Variants in ATP11A observed in about 807,000 individuals in gnomAD.
The protein encoded by ATP11A is phospholipid-transporting ATPase IH.
Under a neutral mutation model 154.4 loss-of-function variants are expected in ATP11A, and 81 were observed. The observed-to-expected ratio is 0.52, with a 90% CI of 0.44 to 0.63. The LOEUF is 0.63. ATP11A is among the 30% of genes least tolerant of loss of function. The pLI is 0.00. For synonymous variants in ATP11A, 623 were observed against 585.9 expected, an observed-to-expected ratio of 1.06 and a Z score of -0.91; for missense variants, 1,316 against 1,474.3, an observed-to-expected ratio of 0.89 and a Z score of 1.76.
intron 13 of ATP11A, among the ~76,000 whole-genome samples, chr13:112,831,945 AC>A (rs1243546182): frequency 7.8e-6 from 1 of 128,022 alleles, no homozygotes; most frequent in Non-Finnish European, 1.6e-5. Context: ...ACACATGCAC[AC>A]ATGCAGACAC....
At chr13:112,737,356 C>T (rs951964276) in intron 1 of ATP11A, among the ~76,000 whole-genome samples, 3 of 152,186 alleles carry the variant, frequency 2.0e-5, no homozygotes, top group African/African-American at 2.4e-5. Flanking sequence ...ACACCCAGGG[C>T]AGGTTAGGCA....
chr13:112,720,557 GT>G (rs935210263), intron 1 of ATP11A, among the ~76,000 whole-genome samples: 2 of 149,396 alleles, frequency 1.3e-5, no homozygotes, highest in African/African-American at 2.5e-5. Flanking sequence ...GAGTCTGTTT[GT>G]TTTTTTTTTA....
intron 1 of ATP11A, among the ~76,000 whole-genome samples, chr13:112,766,647 T>C (rs2077084217): frequency 6.6e-6 from 1 of 152,060 alleles, no homozygotes; most frequent in Non-Finnish European, 1.5e-5. Context: ...GTTTCCCTCA[T>C]TGGCTTCTGC....
intron 1 of ATP11A, among the ~76,000 whole-genome samples, chr13:112,704,575 G>A (rs1401281670): frequency 1.3e-5 from 2 of 152,242 alleles, no homozygotes; most frequent in Non-Finnish European, 2.9e-5. Context: ...GAGATGGGCT[G>A]GGGGTGTCCC....
intron 2 of ATP11A, among the ~76,000 whole-genome samples, chr13:112,794,941 C>T (rs1294003770): frequency 6.6e-6 from 1 of 152,008 alleles, no homozygotes; most frequent in East Asian, 1.9e-4. Flanking sequence ...TGTACAGTAA[C>T]ATTCAAATAT....
rs1443797813 is a variant in ATP11A, at chr13:112,758,604, T to G, written c.40-26531T>G. The stretch of plus-strand genomic sequence containing the variant: ...ATGCCCGGCTAATTTTTTGTATTTT[T>G]AGTAGAGATGGGGTTTCACCGTGTT... On this transcript the variant is annotated intron_variant, in intron 1 of 29. Transcript: ENST00000375645. 2.6e-5 allele frequency among the ~76,000 whole-genome samples: 4 copies of G among 151,710 alleles called. No homozygotes were observed. In the South Asian group the frequency reaches 8.3e-4, roughly 31 times the overall value.
At chr13:112,837,057 C>G (rs1467961365) in intron 16 of ATP11A, among the ~76,000 whole-genome samples, 1 of 152,258 alleles carries the variant, frequency 6.6e-6, no homozygotes, top group African/African-American at 2.4e-5. Context: ...GCCCCTCAGG[C>G]TCCCGCCCAC....
rs144986446 is a variant in ATP11A, at chr13:112,713,436, G to T, written c.39+22981G>T. Among the ~76,000 whole-genome samples, 35 of 152,260 alleles carry T rather than the reference G, an allele frequency of 2.3e-4. No homozygotes were observed. The East Asian group carries it at 5.2e-3, about 23-fold the overall frequency. On this transcript the variant is annotated intron_variant, in intron 1 of 29. Coordinates refer to ENST00000375645, the MANE Select transcript of ATP11A (RefSeq NM_015205.3). Reference sequence around the variant, plus strand: ...AAACATGGAGTTCACAAAGTGGCATGAATAATCATGAAACGAAGTGACTTC... The same window carrying T: ...AAACATGGAGTTCACAAAGTGGCATTAATAATCATGAAACGAAGTGACTTC...
intron 25 of ATP11A, among the ~76,000 whole-genome samples, chr13:112,865,285 G>A (rs1161715077): frequency 2.0e-5 from 3 of 150,842 alleles, no homozygotes; most frequent in Non-Finnish European, 4.4e-5. Context: ...TTCCCAGCGG[G>A]GTCCATCACC....
chr13:112,854,197 G>A (rs2079855331), intron 18 of ATP11A, 82 bp from the exon 19 acceptor site: 1 of 1,531,446 alleles, frequency 6.5e-7, no homozygotes, highest in African/African-American at 1.5e-5. Context: ...TGACAGCTTT[G>A]CAAGTTTCTG....
Position 112,881,962 on chromosome 13 carries a change from G to A in ATP11A, c.*96G>A, listed in dbSNP as rs565184151. On this transcript the variant is annotated 3_prime_UTR_variant, in exon 30 of 30. Transcript: ENST00000375645. The stretch of plus-strand genomic sequence containing the variant: ...TGACACTCGCGGCCTGGAAGGAGAA[G>A]GTGTCCACGGAGCCCCCACCCATCC... 179 of 1,367,796 alleles carry A rather than the reference G, an allele frequency of 1.3e-4. No individual in the cohort carries two copies. The highest frequency in any genetic ancestry group is 9.8e-7 in the Non-Finnish European group (1 of 1,021,982). The allele number at this position is 1,367,796 out of a possible 1,614,324, so 84.7% of individuals were successfully genotyped here.
intron 1 of ATP11A, among the ~76,000 whole-genome samples, chr13:112,736,412 C>T (rs1229110563): frequency 6.6e-6 from 1 of 152,146 alleles, no homozygotes; most frequent in Non-Finnish European, 1.5e-5. Context: ...ACTGTGTTTT[C>T]TGGGGTGGCC....
At chr13:112,852,615 C>T (rs946961417) in intron 18 of ATP11A, among the ~76,000 whole-genome samples, 9 of 152,086 alleles carry the variant, frequency 5.9e-5, no homozygotes, top group Admixed American at 4.6e-4. Context: ...GAGGGGTGTC[C>T]GTAGGATGGT....
At chr13:112,873,817 CGTGGGGTCCTGGGATA>C in intron 27 of ATP11A, 141 bp downstream of exon 27, 1 of 743,180 alleles carries the variant, frequency 1.3e-6, no homozygotes, top group Non-Finnish European at 2.2e-6. Flanking sequence ...TGCTGGGTGT[CGTGGGGTCCTGGGATA>C]CAGTCGGGGG....
At position 112,887,167 on chromosome 13, in the gene ATP11A, A is replaced by G. The variant is rs1055385742; in HGVS notation, c.*5301A>G. 2.6e-5 allele frequency: 4 copies of G among 152,260 alleles called. No homozygotes were observed. Among genetic ancestry groups the G allele is most frequent in the Admixed American group, 2.6e-4 (4 of 15,292 alleles). The allele number at this position is 152,260 out of a possible 1,614,324, so 9.4% of individuals were successfully genotyped here. On this transcript the variant is annotated 3_prime_UTR_variant, in exon 30 of 30. Coordinates refer to ENST00000375645, the MANE Select transcript of ATP11A (RefSeq NM_015205.3). ...AGTTTCTTTATAAAGAAACTCACAC[A>G]AGTGGTGTGTACATTTTCTGCTCTG...
chr13:112,716,215 G>T (rs999928147), intron 1 of ATP11A, among the ~76,000 whole-genome samples: 45 of 152,206 alleles, frequency 3.0e-4, no homozygotes, highest in African/African-American at 9.9e-4. Context: ...CCACCGTGGT[G>T]GGGCCAAGTC....
chr13:112,785,576 T>C lies in ATP11A; in HGVS notation c.162+319T>C, dbSNP rs2140031042. 6.6e-6 allele frequency among the ~76,000 whole-genome samples: 1 copy of C among 152,134 alleles called. No individual in the cohort carries two copies. Among genetic ancestry groups the C allele is most frequent in the East Asian group, 1.9e-4 (1 of 5,142 alleles). On this transcript the variant is annotated intron_variant, in intron 2 of 29. Transcript: ENST00000375645. The surrounding 1 kb of genome is among the most constrained non-coding windows in gnomAD (Gnocchi z 4.8). ...ACCCAGGTCCCACTTCTGAGGCGCC[T>C]GGCCACGTGCTTGTCGTGGGCCACC...
At chr13:112,869,194 T>C (rs767328314) in intron 25 of ATP11A, among the ~76,000 whole-genome samples, 16 of 152,208 alleles carry the variant, frequency 1.1e-4, no homozygotes, top group Non-Finnish European at 1.8e-4. Flanking sequence ...AGCTCCACAG[T>C]GGACTAGCTT....
At chr13:112,784,116 G>C (rs1174206759) in intron 1 of ATP11A, among the ~76,000 whole-genome samples, 2 of 152,222 alleles carry the variant, frequency 1.3e-5, no homozygotes. Flanking sequence ...ACAGCTCCCT[G>C]ACTGCCCCTG....
Sources: allele counts gnomAD v4.1 joint callset (sites outside exome capture counted in the v4.1 genomes callset), GRCh38; gene constraint gnomAD v4.1.1; non-coding constraint Gnocchi (gnomAD v3.1); transcripts MANE v1.5; gene names NCBI Gene and HGNC (gene_info 2026-07-23, HGNC 2026-07-21).